Variants in HYCC2 observed in about 807,000 individuals in gnomAD.
HYCC2 encodes hyccin 2.
chr2:201,055,222 A>G, the HYCC2 span, among the ~76,000 whole-genome samples: 2 of 152,034 alleles, frequency 1.3e-5, no homozygotes, highest in Non-Finnish European at 2.9e-5. Context: ...AAAATTTACC[A>G]TCTTAACCAT....
At chr2:200,984,240 A>G in the HYCC2 span, among the ~76,000 whole-genome samples, 2 of 152,092 alleles carry the variant, frequency 1.3e-5, no homozygotes, top group Admixed American at 6.6e-5. Context: ...GGGTTTTGCC[A>G]TGTTGCCCAG....
the HYCC2 span, among the ~76,000 whole-genome samples, chr2:201,067,347 T>C: frequency 6.6e-6 from 1 of 152,154 alleles, no homozygotes; most frequent in Admixed American, 6.5e-5. Flanking sequence ...TGTGTCAAAA[T>C]AGGACAAAAC....
chr2:201,042,960 C>T, the HYCC2 span, among the ~76,000 whole-genome samples: 1 of 152,168 alleles, frequency 6.6e-6, no homozygotes, highest in East Asian at 1.9e-4. Flanking sequence ...GAGAATGGGC[C>T]ATGATGACAA....
the HYCC2 span, among the ~76,000 whole-genome samples, chr2:201,016,743 G>A: frequency 5.3e-5 from 8 of 151,748 alleles, no homozygotes; most frequent in Admixed American, 1.3e-4. Flanking sequence ...GGGATTACAG[G>A]AACACACCAC....
the HYCC2 span, among the ~76,000 whole-genome samples, chr2:201,013,936 A>G: frequency 6.6e-6 from 1 of 152,276 alleles, no homozygotes; most frequent in African/African-American, 2.4e-5. Context: ...GAAAAACAGA[A>G]AAGAATATAT....
the HYCC2 span, among the ~76,000 whole-genome samples, chr2:201,060,983 T>C: frequency 6.6e-6 from 1 of 151,982 alleles, no homozygotes; most frequent in East Asian, 1.9e-4. Context: ...TTGGTAGTTA[T>C]GTTCTAAAAA....
At chr2:200,986,605 T>C in the HYCC2 span, among the ~76,000 whole-genome samples, 1 of 152,182 alleles carries the variant, frequency 6.6e-6, no homozygotes, top group East Asian at 1.9e-4. Flanking sequence ...AACCCCTCCA[T>C]GTTGCGATAC....
chr2:201,038,613 A>G, the HYCC2 span, among the ~76,000 whole-genome samples: 4 of 152,192 alleles, frequency 2.6e-5, no homozygotes, highest in African/African-American at 9.7e-5. Context: ...AGAAGCTGGA[A>G]ACCATCATTC....
the HYCC2 span, chr2:200,987,653 T>C: frequency 3.0e-6 from 2 of 674,926 alleles, no homozygotes; most frequent in African/African-American, 1.9e-5. Context: ...ACACTATTTA[T>C]ATAGTTACAT....
the HYCC2 span, among the ~76,000 whole-genome samples, chr2:201,042,570 C>G: frequency 2.0e-5 from 3 of 151,424 alleles, no homozygotes; most frequent in East Asian, 5.9e-4. Flanking sequence ...TGACCAGCCG[C>G]CCCGTCTGAG....
At chr2:201,049,574 C>T in the HYCC2 span, among the ~76,000 whole-genome samples, 1 of 151,320 alleles carries the variant, frequency 6.6e-6, no homozygotes, top group South Asian at 2.1e-4. Flanking sequence ...AGGGTGGTCT[C>T]GATCCTCTGA....
chr2:201,009,016 T>C, the HYCC2 span: 2 of 1,613,952 alleles, frequency 1.2e-6, no homozygotes, highest in Non-Finnish European at 1.7e-6. Flanking sequence ...TGAAGATCAC[T>C]ATAAACAACT....
At chr2:201,022,772 G>C in the HYCC2 span, 1 of 1,038,136 alleles carries the variant, frequency 9.6e-7, no homozygotes, top group African/African-American at 1.7e-5. Flanking sequence ...AAATTTATGT[G>C]TTTTGGTATA....
At chr2:201,063,857 G>T in the HYCC2 span, 4 of 1,591,612 alleles carry the variant, frequency 2.5e-6, no homozygotes, top group South Asian at 3.3e-5. Context: ...TTTTGGAGGT[G>T]GTGGAAGCTA....
the HYCC2 span, among the ~76,000 whole-genome samples, chr2:201,035,506 A>C: frequency 2.0e-5 from 3 of 152,066 alleles, no homozygotes; most frequent in Non-Finnish European, 4.4e-5. Flanking sequence ...CATTCATCTA[A>C]TCTTTTTTCA....
the HYCC2 span, among the ~76,000 whole-genome samples, chr2:200,983,251 A>T: frequency 9.9e-5 from 15 of 152,222 alleles, no homozygotes; most frequent in Middle Eastern, 3.2e-3. Context: ...AGACTTCTGT[A>T]AAGTTTAATC....
chr2:201,046,478 A>G, the HYCC2 span, among the ~76,000 whole-genome samples: 1 of 152,118 alleles, frequency 6.6e-6, no homozygotes, highest in Non-Finnish European at 1.5e-5. Flanking sequence ...GACACAAAAG[A>G]GACTGGTAGT....
chr2:201,002,421 G>C, the HYCC2 span, among the ~76,000 whole-genome samples: 5 of 152,196 alleles, frequency 3.3e-5, no homozygotes, highest in Middle Eastern at 3.4e-3. Flanking sequence ...AGTATTGGGA[G>C]TTAGTAGGAG....
the HYCC2 span, among the ~76,000 whole-genome samples, chr2:201,069,464 T>C: frequency 1.3e-5 from 2 of 152,028 alleles, no homozygotes; most frequent in African/African-American, 4.8e-5. Context: ...TACTGCATTC[T>C]ACAATGACAC....
Sources: allele counts gnomAD v4.1 joint callset (sites outside exome capture counted in the v4.1 genomes callset), GRCh38; gene constraint gnomAD v4.1.1; transcripts MANE v1.5; gene names NCBI Gene and HGNC (gene_info 2026-07-23, HGNC 2026-07-21).